Variants in PASD1 observed in about 807,000 individuals in gnomAD.
PASD1 encodes PAS domain containing repressor 1, also known as circadian clock protein PASD1.
In PASD1, 13 loss-of-function variants were observed where a neutral mutation model predicts 58.8. The observed-to-expected ratio is 0.22, with a 90% CI of 0.14 to 0.35. The LOEUF (loss-of-function observed/expected upper bound fraction) is 0.35, where lower values mean the gene tolerates loss of function less well. Among genes scored for constraint, PASD1 ranks in the 10% least tolerant of loss-of-function variants. The probability of loss-of-function intolerance (pLI) is 1.00; values close to 1 mark genes in which losing one functional copy is unlikely to be tolerated. For missense variants in PASD1, 734 were observed against 568.3 expected (o/e 1.29, Z -2.96); for synonymous variants, 236 against 216.7 (o/e 1.09, Z -0.78).
In PASD1 at chrX:151,621,104, T is replaced by C. The variant is rs752849689; in HGVS notation, c.307+75T>C. 2.1e-5 allele frequency: 13 copies of C among 634,101 alleles called. No homozygotes were observed. The Admixed American group carries it at 3.7e-4, about 18-fold the overall frequency. 52.3% of individuals were successfully genotyped at this position (634,101 alleles called of 1,213,427 possible). On this transcript the variant is annotated intron_variant, in intron 5 of 15. Transcript: ENST00000370357. ...AACAATCGCTCAATGGATTAATTTCTAAAAAGATATTAGAGCACATACGGC... is the reference window on the plus strand; with the variant it reads ...AACAATCGCTCAATGGATTAATTTCCAAAAAGATATTAGAGCACATACGGC...
intron 4 of PASD1, among the ~76,000 whole-genome samples, chrX:151,614,227 C>T (rs940749174): frequency 3.4e-4 from 38 of 111,174 alleles, no homozygotes; most frequent in African/African-American, 8.5e-4. Flanking sequence ...TCAAGCGATC[C>T]GCCCATCTCG....
At chrX:151,578,359 A>G (rs1472364208) in intron 1 of PASD1, 1 of 112,275 alleles carries the variant, frequency 8.9e-6, no homozygotes, top group African/African-American at 3.2e-5. Context: ...ATACCATTTT[A>G]TATATATGAT....
rs41299110 is a variant in PASD1 at position 151,672,444 on chromosome X, C to T, written c.1699C>T (p.Leu567=). ...EPEEEQQKQQ[L]QEQPLKHNVI... ...AGAGGAGGAGCAGCAGAAGCAGCAGCTGCAAGAGCAGCCACTGAAGCATAA... is the reference window on the plus strand; with the variant it reads ...AGAGGAGGAGCAGCAGAAGCAGCAGTTGCAAGAGCAGCCACTGAAGCATAA... The change falls in exon 14 of 16, where the codon CTG becomes TTG. Residue 567 remains leucine (L), a synonymous_variant. Coordinates refer to ENST00000370357, the MANE Select transcript of PASD1 (RefSeq NM_173493.3). The T allele has an allele frequency of 0.23, 282,979 of 1,209,110 alleles. 23,541 individuals carry two copies. Among genetic ancestry groups the T allele is most frequent in the Middle Eastern group, 0.36 (1,541 of 4,302 alleles).
At chrX:151,570,818 C>T (rs1353100969) in intron 1 of PASD1, among the ~76,000 whole-genome samples, 1 of 112,471 alleles carries the variant, frequency 8.9e-6, no homozygotes, top group Admixed American at 9.4e-5. Flanking sequence ...CTTAGCTTTA[C>T]TAAAAGGAGG....
At chrX:151,589,009 T>C in intron 1 of PASD1, among the ~76,000 whole-genome samples, 1 of 111,053 alleles carries the variant, frequency 9.0e-6, no homozygotes, top group East Asian at 2.8e-4. Context: ...TAGTCAATCT[T>C]TACATCACAG....
intron 1 of PASD1, among the ~76,000 whole-genome samples, chrX:151,587,543 G>T (rs1166388476): frequency 9.0e-5 from 10 of 111,569 alleles, no homozygotes; most frequent in African/African-American, 3.3e-4. Flanking sequence ...GCAGGTATGT[G>T]TGTATGTGTG....
At chrX:151,580,619 CAATT>C (rs1435655052) in intron 1 of PASD1, among the ~76,000 whole-genome samples, 6 of 104,060 alleles carry the variant, frequency 5.8e-5, no homozygotes, top group East Asian at 3.0e-4. Context: ...TGTTATATCT[CAATT>C]AAAATATTTT....
chrX:151,633,843 A>T (rs1331771096), intron 8 of PASD1, among the ~76,000 whole-genome samples: 2 of 112,356 alleles, frequency 1.8e-5, no homozygotes, highest in Non-Finnish European at 3.8e-5. Context: ...GGGACAAATT[A>T]TCTGATATAT....
At position 151,671,497 on chromosome X, in the gene PASD1, C is replaced by T. The variant is rs930047071; in HGVS notation, c.1231-76C>T. 2.5e-5 allele frequency: 28 copies of T among 1,104,117 alleles called. No homozygotes were observed. The African/African-American group carries it at 4.9e-4, about 19-fold the overall frequency. The allele number at this position is 1,104,117 out of a possible 1,213,427, so 91.0% of individuals were successfully genotyped here. The stretch of plus-strand genomic sequence containing the variant: ...GGCTTGCCTGTGGGCAGTCCTGCTC[C>T]ATGCCCAGCTTGTCTTATGCCTTAA... On this transcript the variant is annotated intron_variant, in intron 12 of 15. Coordinates refer to ENST00000370357, the MANE Select transcript of PASD1 (RefSeq NM_173493.3).
At chrX:151,614,299 A>G (rs758478685) in intron 4 of PASD1, among the ~76,000 whole-genome samples, 1 of 111,553 alleles carries the variant, frequency 9.0e-6, no homozygotes, top group South Asian at 3.8e-4. Flanking sequence ...GGTTTCTTTT[A>G]TAAGGATACT....
At chrX:151,591,441 A>G (rs1431972219) in intron 1 of PASD1, among the ~76,000 whole-genome samples, 1 of 111,969 alleles carries the variant, frequency 8.9e-6, no homozygotes, top group Non-Finnish European at 1.9e-5. Flanking sequence ...TGACCTTTAT[A>G]TTATACTTCA....
At chrX:151,638,658 A>G (rs1471249042) in intron 8 of PASD1, among the ~76,000 whole-genome samples, 2 of 111,472 alleles carry the variant, frequency 1.8e-5, no homozygotes, top group Non-Finnish European at 3.8e-5. Flanking sequence ...TTCATTCTCA[A>G]CAGTGTATTT....
rs375589752 is a variant in PASD1, at chrX:151,676,177, G to A, written c.*34G>A. 4 of 1,190,373 alleles carry A rather than the reference G, an allele frequency of 3.4e-6. No homozygotes were observed. Among genetic ancestry groups the A allele is most frequent in the East Asian group, 6.0e-5 (2 of 33,460 alleles). On this transcript the variant is annotated 3_prime_UTR_variant, in exon 16 of 16. Transcript: ENST00000370357. ...TCATGACCAGTGATGAGGGGAAATGGGGGGAGGGGGCAGGCCAATGAGGTC... is the reference window on the plus strand; with the variant it reads ...TCATGACCAGTGATGAGGGGAAATGAGGGGAGGGGGCAGGCCAATGAGGTC...
At chrX:151,672,725 C>G in intron 14 of PASD1, 64 bp downstream of exon 14, 1 of 1,174,500 alleles carries the variant, frequency 8.5e-7, no homozygotes. Flanking sequence ...GGCTGGATCC[C>G]ATGCCTGAGA....
At chrX:151,598,551 T>C (rs1280970197) in intron 1 of PASD1, among the ~76,000 whole-genome samples, 1 of 111,527 alleles carries the variant, frequency 9.0e-6, no homozygotes, top group Non-Finnish European at 1.9e-5. Flanking sequence ...TCCCATTTTG[T>C]CCTTCATGTC....
At chrX:151,637,477 A>G (rs748504490) in intron 8 of PASD1, among the ~76,000 whole-genome samples, 1 of 111,476 alleles carries the variant, frequency 9.0e-6, no homozygotes, top group East Asian at 2.8e-4. Context: ...CCTGGGCTCA[A>G]GTGATTCTCC....
chrX:151,658,262 G>A (rs1253168174), intron 9 of PASD1, among the ~76,000 whole-genome samples: 2 of 112,310 alleles, frequency 1.8e-5, no homozygotes, highest in Non-Finnish European at 3.8e-5. Context: ...CTCCATGCAT[G>A]CATTTTCACC....
intron 3 of PASD1, among the ~76,000 whole-genome samples, chrX:151,610,010 G>C (rs990586185): frequency 9.0e-6 from 1 of 110,687 alleles, no homozygotes; most frequent in African/African-American, 3.3e-5. Context: ...CATCCTAATG[G>C]GTTTGAGGAG....
chrX:151,648,532 A>T (rs2014089790), intron 8 of PASD1, 83 bp from the exon 9 acceptor site: 6 of 890,873 alleles, frequency 6.7e-6, no homozygotes, highest in Non-Finnish European at 8.1e-6. Context: ...TTTTTATTTG[A>T]ACCTTTTTAT....
Sources: gnomAD v4.1 joint callset for allele counts (sites outside exome capture counted in the v4.1 genomes callset) on GRCh38, gnomAD v4.1.1 for gene constraint, MANE v1.5 for transcripts, NCBI Gene and HGNC (gene_info 2026-07-23, HGNC 2026-07-21) for gene names.